The following PRICKLE1 variants were observed in gnomAD, a reference collection of about 807,000 sequenced individuals.
PRICKLE1 encodes prickle planar cell polarity protein 1, also known as prickle-like protein 1.
A neutral mutation model predicts 70.2 loss-of-function variants in PRICKLE1; 14 were observed. The observed-to-expected ratio is 0.20, with a 90% CI of 0.13 to 0.31. The LOEUF (loss-of-function observed/expected upper bound fraction) is 0.31, where lower values mean the gene tolerates loss of function less well. Among genes scored for constraint, PRICKLE1 ranks in the 10% least tolerant of loss-of-function variants. The pLI is 1.00. For missense variants in PRICKLE1, 821 were observed against 1,026.2 expected (o/e 0.80, Z 2.73); for synonymous variants, 357 against 379.9 (o/e 0.94, Z 0.70).
rs78280211 is a variant in PRICKLE1, at chr12:42,502,146, T to C, written c.-48-29582A>G. On this transcript the variant is annotated intron_variant, in intron 1 of 7. Coordinates refer to ENST00000345127, the MANE Select transcript of PRICKLE1 (RefSeq NM_153026.3). The stretch of plus-strand genomic sequence containing the variant: ...TTAACCGGAGTACTTTATAGGTATA[T>C]ATGTATATACACCTATATATATATA... 6.6e-5 allele frequency among the ~76,000 whole-genome samples: 10 copies of C among 151,924 alleles called. No individual in the cohort carries two copies. In the East Asian group the frequency reaches 1.9e-3, roughly 29 times the overall value.
intron 1 of PRICKLE1, among the ~76,000 whole-genome samples, chr12:42,528,720 G>C (rs1939856833): frequency 6.6e-6 from 1 of 152,200 alleles, no homozygotes; most frequent in Non-Finnish European, 1.5e-5. Flanking sequence ...ATGCCAGTTT[G>C]TGAGACTCCA....
At chr12:42,528,464 AAAC>A (rs556956330) in intron 1 of PRICKLE1, among the ~76,000 whole-genome samples, 51 of 152,354 alleles carry the variant, frequency 3.3e-4, no homozygotes, top group African/African-American at 1.2e-3. Flanking sequence ...ATTTTGAGAA[AAAC>A]AACATTTGCA....
chr12:42,566,277 G>A (rs147159332), intron 1 of PRICKLE1, among the ~76,000 whole-genome samples: 14 of 152,266 alleles, frequency 9.2e-5, no homozygotes, highest in African/African-American at 3.4e-4. Flanking sequence ...ACCTGTGGTT[G>A]AATGAATGTG....
At chr12:42,586,774 C>T (rs1940992979) in intron 1 of PRICKLE1, among the ~76,000 whole-genome samples, 1 of 152,110 alleles carries the variant, frequency 6.6e-6, no homozygotes, top group Non-Finnish European at 1.5e-5. Context: ...ATTTTGCTTT[C>T]AAGTAATTAT....
chr12:42,578,623 C>T (rs1214356404), intron 1 of PRICKLE1, among the ~76,000 whole-genome samples: 2 of 129,166 alleles, frequency 1.5e-5, no homozygotes, highest in Non-Finnish European at 3.5e-5. Context: ...TGAGAAACTC[C>T]ACTTCAGCTG....
chr12:42,521,761 CCTT>C (rs1280604589), intron 1 of PRICKLE1, among the ~76,000 whole-genome samples: 2 of 151,934 alleles, frequency 1.3e-5, no homozygotes, highest in African/African-American at 4.8e-5. Flanking sequence ...GAACAAGCCA[CCTT>C]CTTCTAATCT....
At chr12:42,549,497 T>C (rs1940272443) in intron 1 of PRICKLE1, among the ~76,000 whole-genome samples, 1 of 152,178 alleles carries the variant, frequency 6.6e-6, no homozygotes, top group African/African-American at 2.4e-5. Context: ...TCCGGGATCA[T>C]GGAACCCACC....
chr12:42,516,142 T>C (rs937723789), intron 1 of PRICKLE1, among the ~76,000 whole-genome samples: 4 of 152,100 alleles, frequency 2.6e-5, no homozygotes, highest in Non-Finnish European at 5.9e-5. Flanking sequence ...TCTTTCACTT[T>C]TTTTTTTGAG....
In PRICKLE1 at chr12:42,512,970, T is replaced by C. The variant is rs1349472294; in HGVS notation, c.-48-40406A>G. Among the ~76,000 whole-genome samples, 5 of 151,880 alleles carry C rather than the reference T, an allele frequency of 3.3e-5. No individual in the cohort carries two copies. In the East Asian group the frequency reaches 9.7e-4, roughly 29 times the overall value. On this transcript the variant is annotated intron_variant, in intron 1 of 7. Coordinates refer to ENST00000345127, the MANE Select transcript of PRICKLE1 (RefSeq NM_153026.3). Reference sequence around the variant, plus strand: ...TAAGGCATTATTATTATTATTATTATTATTGTTATTTTTATATGTAGTTTC... The same window carrying C: ...TAAGGCATTATTATTATTATTATTACTATTGTTATTTTTATATGTAGTTTC...
At chr12:42,465,372 G>C in intron 6 of PRICKLE1, 114 bp from the exon 7 acceptor site, 4 of 940,854 alleles carry the variant, frequency 4.3e-6, no homozygotes, top group Non-Finnish European at 6.5e-6. Flanking sequence ...AGCTGTGTGG[G>C]TGACACAGAT....
At chr12:42,584,052 A>G (rs1204661495) in intron 1 of PRICKLE1, among the ~76,000 whole-genome samples, 1 of 152,162 alleles carries the variant, frequency 6.6e-6, no homozygotes, top group Non-Finnish European at 1.5e-5. Flanking sequence ...AAGGTTTCTA[A>G]AAAGGGTTCA....
chr12:42,518,792 A>G (rs1489842854), intron 1 of PRICKLE1, among the ~76,000 whole-genome samples: 1 of 152,238 alleles, frequency 6.6e-6, no homozygotes, highest in Non-Finnish European at 1.5e-5. Flanking sequence ...CAGGAGTAAT[A>G]CAGCTTATAT....
Position 42,464,796 on chromosome 12 carries a change from T to A in PRICKLE1, c.1238A>T (p.Asp413Val), listed in dbSNP as rs759600108. 6.8e-6 allele frequency: 11 copies of A among 1,614,038 alleles called. No homozygotes were observed. The highest frequency in any genetic ancestry group is 8.5e-6 in the Non-Finnish European group (10 of 1,179,986). The change falls in exon 7 of 8, where the codon GAT (aspartate) becomes GTT (valine). Residue 413 changes from aspartate to valine, a missense_variant. By Grantham distance (152) the Asp-to-Val change is radical. Coordinates refer to ENST00000345127, the MANE Select transcript of PRICKLE1 (RefSeq NM_153026.3). This position sits in a 1 kb window ranked among gnomAD's most constrained non-coding sequence, Gnocchi z 4.2. ...EDPEEWADHE[D>V]YMTQLLLKFG... ...CTTGAGGAGGAGCTGCGTCATATAA[T>A]CTTCATGATCAGCCCATTCTTCAGG...
At chr12:42,576,891 T>C (rs1464013920) in intron 1 of PRICKLE1, among the ~76,000 whole-genome samples, 1 of 152,238 alleles carries the variant, frequency 6.6e-6, no homozygotes, top group African/African-American at 2.4e-5. Context: ...TGGTGACATA[T>C]GCCAACATGT....
At chr12:42,582,419 G>A (rs1940917265) in intron 1 of PRICKLE1, among the ~76,000 whole-genome samples, 1 of 152,174 alleles carries the variant, frequency 6.6e-6, no homozygotes, top group African/African-American at 2.4e-5. Flanking sequence ...TGAAGCATAT[G>A]TATTCTCTTA....
chr12:42,467,332 G>T (rs1938135797), intron 5 of PRICKLE1, among the ~76,000 whole-genome samples: 1 of 152,128 alleles, frequency 6.6e-6, no homozygotes, highest in African/African-American at 2.4e-5. Flanking sequence ...TGCCAGGATG[G>T]TCTCTGTCTC....
chr12:42,497,872 G>C (rs1246316219), intron 1 of PRICKLE1, among the ~76,000 whole-genome samples: 1 of 152,078 alleles, frequency 6.6e-6, no homozygotes, highest in Non-Finnish European at 1.5e-5. Context: ...TACTCCTACG[G>C]CTGCTGCCTG....
Position 42,469,491 on chromosome 12 carries a change from T to C in PRICKLE1, c.343A>G (p.Lys115Glu), listed in dbSNP as rs1938231439. 6.2e-7 allele frequency: 1 copy of C among 1,614,054 alleles called. No homozygotes were observed. Among genetic ancestry groups the C allele is most frequent in the Non-Finnish European group, 8.5e-7 (1 of 1,180,038 alleles). ...KKEALGRGTI[K>E]LLSRAVMHAV... is the part of the protein sequence containing the mutation. ...TGCATGACTGCTCTGGACAGAAGCT[T>C]AATTGTTCCTCTTCCCAGTGCTTCT... is the stretch of plus-strand genomic sequence containing the variant. The change falls in exon 4 of 8, where the codon AAG becomes GAG. Residue 115 changes from lysine (K) to glutamate (E), a missense_variant. Physicochemically the swap from Lys to Glu is moderately conservative, Grantham distance 56. Transcript: ENST00000345127.
intron 1 of PRICKLE1, among the ~76,000 whole-genome samples, chr12:42,498,235 C>A (rs1434583329): frequency 6.7e-6 from 1 of 149,532 alleles, no homozygotes; most frequent in Admixed American, 6.7e-5. Flanking sequence ...TGCGGTGGTG[C>A]GATCATGGCT....
Sources: gnomAD v4.1 joint callset for allele counts (sites outside exome capture counted in the v4.1 genomes callset) on GRCh38, gnomAD v4.1.1 for gene constraint, Gnocchi (gnomAD v3.1) non-coding constraint, MANE v1.5 for transcripts, NCBI Gene and HGNC (gene_info 2026-07-23, HGNC 2026-07-21) for gene names.